Variants in STXBP5L observed in about 807,000 individuals in gnomAD.
STXBP5L encodes the protein syntaxin binding protein 5L, also known as syntaxin-binding protein 5-like.
Under a neutral mutation model 144.5 loss-of-function variants are expected in STXBP5L, and 65 were observed. The ratio of observed to expected loss-of-function variants is 0.45; its 90% CI spans 0.37 to 0.55. STXBP5L has a LOEUF of 0.55. Among genes scored for constraint, STXBP5L ranks in the 20% least tolerant of loss-of-function variants. STXBP5L has a pLI of 0.00. For synonymous variants in STXBP5L, 505 were observed against 469.6 expected, an observed-to-expected ratio of 1.08 and a Z score of -0.97; for missense variants, 1,298 against 1,405.5, an observed-to-expected ratio of 0.92 and a Z score of 1.22.
At chr3:121,108,846 G>C (rs2043840065) in intron 5 of STXBP5L, among the ~76,000 whole-genome samples, 1 of 152,030 alleles carries the variant, frequency 6.6e-6, no homozygotes, top group Non-Finnish European at 1.5e-5. Context: ...CTGGTCCTGG[G>C]CTTTTTTTGG....
intron 22 of STXBP5L, among the ~76,000 whole-genome samples, chr3:121,396,604 C>T (rs760457528): frequency 2.0e-5 from 3 of 152,212 alleles, no homozygotes; most frequent in Admixed American, 6.5e-5. Context: ...ATTAACTCCT[C>T]CTGTAAAAGA....
intron 5 of STXBP5L, among the ~76,000 whole-genome samples, chr3:121,050,087 C>T (rs1159571243): frequency 6.6e-6 from 1 of 152,148 alleles, no homozygotes; most frequent in East Asian, 1.9e-4. Context: ...TCTCTGTTCA[C>T]TGTGGGTGAT....
At chr3:121,172,308 T>G (rs141858110) in intron 9 of STXBP5L, among the ~76,000 whole-genome samples, 136 of 152,238 alleles carry the variant, frequency 8.9e-4, no homozygotes, top group East Asian at 7.9e-3. Flanking sequence ...CCAAAAGCAA[T>G]GGCAACAAAA....
Position 120,954,948 on chromosome 3 carries a change from G to A in STXBP5L, c.198G>A (p.Arg66=). 1 of 1,611,468 alleles carries A rather than the reference G, an allele frequency of 6.2e-7. No individual in the cohort carries two copies. The highest frequency in any genetic ancestry group is 8.5e-7 in the Non-Finnish European group (1 of 1,178,562). Residue 66 remains arginine (R), a synonymous_variant, in exon 3 of 27, where the codon CGG becomes CGA. Coordinates refer to ENST00000471454, the MANE Select transcript of STXBP5L (RefSeq NM_001308330.2). The stretch of plus-strand genomic sequence containing the variant: ...TATTTGCTCTCTTTCAGACAGTTCG[G>A]CATGGTTTTCCTCATCAGCCCACAG... The part of the protein sequence containing the change: ...SEYFQICKTV[R]HGFPHQPTAL...
At chr3:121,012,369 A>T (rs1412858138) in intron 3 of STXBP5L, among the ~76,000 whole-genome samples, 4 of 151,848 alleles carry the variant, frequency 2.6e-5, no homozygotes, top group African/African-American at 9.7e-5. Context: ...TCTATGTTTT[A>T]CATTATGAGG....
chr3:121,275,408 A>C (rs1384151196), intron 18 of STXBP5L, among the ~76,000 whole-genome samples: 1 of 152,112 alleles, frequency 6.6e-6, no homozygotes, highest in African/African-American at 2.4e-5. Context: ...AGTCTTCTTT[A>C]ATTTCTCTCA....
At position 121,114,912 on chromosome 3, in the gene STXBP5L, T is replaced by C. The variant is rs1325458144; in HGVS notation, c.471-13T>C. The C allele has an allele frequency of 2.7e-6, 4 of 1,464,708 alleles. No individual in the cohort carries two copies. The highest frequency in any genetic ancestry group is 3.6e-6 in the Non-Finnish European group (4 of 1,103,190). 90.7% of individuals were successfully genotyped at this position (1,464,708 alleles called of 1,614,324 possible). A position where few individuals can be genotyped will look rare whatever the true frequency, so the allele number is the denominator to read the frequency against. On this transcript the variant is annotated splice_polypyrimidine_tract_variant and intron_variant, in intron 5 of 26. Coordinates refer to ENST00000471454, the MANE Select transcript of STXBP5L (RefSeq NM_001308330.2). ...AAATTTAGATATTTTAATTATAATTTTCTTTCTTTCAGAATTACTTACTGT... is the reference window on the plus strand; with the variant it reads ...AAATTTAGATATTTTAATTATAATTCTCTTTCTTTCAGAATTACTTACTGT...
At chr3:121,172,328 GA>G (rs1045299349) in intron 9 of STXBP5L, among the ~76,000 whole-genome samples, 2 of 152,106 alleles carry the variant, frequency 1.3e-5, no homozygotes, top group African/African-American at 2.4e-5. Flanking sequence ...AGGCAAAATT[GA>G]CAAATGGGAT....
Position 121,233,639 on chromosome 3 carries a change from G to T in STXBP5L, c.1135G>T (p.Val379Leu). ...AGAATTTCAAGAACCCTATGCTGTC[G>T]TGGTACTTCTGGAGAAAGATCTCAT... ...PNEFQEPYAV[V>L]VLLEKDLIVV... The change falls in exon 12 of 27, where the codon GTG becomes TTG. Residue 379 changes from valine to leucine, a missense_variant. By Grantham distance (32) the Val-to-Leu change is conservative. Transcript: ENST00000471454. 1 of 1,612,176 alleles carries T rather than the reference G, an allele frequency of 6.2e-7. No homozygotes were observed. The highest frequency in any genetic ancestry group is 8.5e-7 in the Non-Finnish European group (1 of 1,179,040).
At chr3:121,225,413 C>T (rs945841144) in intron 11 of STXBP5L, among the ~76,000 whole-genome samples, 1 of 152,010 alleles carries the variant, frequency 6.6e-6, no homozygotes, top group African/African-American at 2.4e-5. Flanking sequence ...GGCCAGATCT[C>T]CTGGTGAGAT....
At chr3:121,281,807 T>G (rs1463729439) in intron 19 of STXBP5L, among the ~76,000 whole-genome samples, 2 of 151,920 alleles carry the variant, frequency 1.3e-5, no homozygotes, top group African/African-American at 2.4e-5. Flanking sequence ...AGAACTCACT[T>G]TATATTATAA....
At chr3:121,370,137 A>G (rs1455558619) in intron 20 of STXBP5L, among the ~76,000 whole-genome samples, 1 of 152,134 alleles carries the variant, frequency 6.6e-6, no homozygotes, top group African/African-American at 2.4e-5. Flanking sequence ...AGGTCGAGGC[A>G]GGTGGATCAC....
At chr3:121,091,465 G>A (rs2042789560) in intron 5 of STXBP5L, among the ~76,000 whole-genome samples, 1 of 152,008 alleles carries the variant, frequency 6.6e-6, no homozygotes, top group Non-Finnish European at 1.5e-5. Flanking sequence ...TTTAATGATT[G>A]CCATTCTAAC....
At chr3:121,099,832 C>G (rs1259296688) in intron 5 of STXBP5L, 1 of 152,164 alleles carries the variant, frequency 6.6e-6, no homozygotes, top group Non-Finnish European at 1.5e-5. Context: ...AAAAGCAAGA[C>G]TCATCTCTCT....
chr3:121,045,203 T>A lies in STXBP5L; in HGVS notation c.370-232T>A, dbSNP rs1387676522. Among the ~76,000 whole-genome samples the A allele has an allele frequency of 2.6e-5, 4 of 152,236 alleles. No individual in the cohort carries two copies. The East Asian group carries it at 7.7e-4, about 29-fold the overall frequency. On this transcript the variant is annotated intron_variant, in intron 4 of 26. Transcript: ENST00000471454. ...AATCCTCTCTATTGGTAAATAAATA[T>A]TCCTTAAGCTAGTCTCCCTGACCGT... is the stretch of plus-strand genomic sequence containing the variant.
intron 11 of STXBP5L, among the ~76,000 whole-genome samples, chr3:121,226,876 T>C (rs566496595): frequency 2.9e-4 from 44 of 152,320 alleles, no homozygotes; most frequent in Non-Finnish European, 5.1e-4. Flanking sequence ...ATTTTACTTA[T>C]AGTCTTAAGG....
At position 120,922,535 on chromosome 3, in the gene STXBP5L, T is replaced by C. The variant is rs529361982; in HGVS notation, c.189+12768T>C. On this transcript the variant is annotated intron_variant, in intron 2 of 26. Coordinates refer to ENST00000471454, the MANE Select transcript of STXBP5L (RefSeq NM_001308330.2). ...AGTGGTGAAAGTGGGCATCCTTGTC[T>C]TGCTCCAGACTTTAGAGGAAAGGCT... 6.6e-5 allele frequency among the ~76,000 whole-genome samples: 10 copies of C among 152,190 alleles called. No homozygotes were observed. The East Asian group carries it at 1.9e-3, about 29-fold the overall frequency.
At chr3:120,919,762 G>A (rs1013050504) in intron 2 of STXBP5L, among the ~76,000 whole-genome samples, 2 of 151,828 alleles carry the variant, frequency 1.3e-5, no homozygotes, top group South Asian at 2.1e-4. Context: ...TTTTAGGAAT[G>A]ACTTTGCAAG....
chr3:121,002,364 A>G (rs549797768), intron 3 of STXBP5L, among the ~76,000 whole-genome samples: 13 of 152,226 alleles, frequency 8.5e-5, no homozygotes, highest in African/African-American at 3.1e-4. Flanking sequence ...TTTGGAAAAT[A>G]TCTATTCAGG....
Sources: gnomAD v4.1 joint callset for allele counts (sites outside exome capture counted in the v4.1 genomes callset) on GRCh38, gnomAD v4.1.1 for gene constraint, MANE v1.5 for transcripts, NCBI Gene and HGNC (gene_info 2026-07-23, HGNC 2026-07-21) for gene names.